The following NME9 variants were observed in gnomAD, a reference collection of about 807,000 sequenced individuals.
NME9 encodes thioredoxin domain-containing protein 6.
NME9 carries 48 observed loss-of-function variants against 44.4 expected under a neutral mutation model. The ratio of observed to expected loss-of-function variants is 1.08; its 90% CI spans 0.86 to 1.37. The LOEUF is 1.37. Among genes scored for constraint, NME9 ranks in the 40% most tolerant of loss-of-function variants. NME9 has a pLI of 0.00. For synonymous variants in NME9, 139 were observed against 147.1 expected (o/e 0.94, Z 0.40); for missense variants, 325 against 405.2 (o/e 0.80, Z 1.70).
intron 8 of NME9, among the ~76,000 whole-genome samples, chr3:138,292,830 C>T (rs1577068865): frequency 6.6e-6 from 1 of 152,178 alleles, no homozygotes; most frequent in Non-Finnish European, 1.5e-5. Flanking sequence ...GGACCAAGAT[C>T]TAGAGTCCCT....
Position 138,267,307 on chromosome 3 carries a change from A to G in NME9, c.746-4721T>C, listed in dbSNP as rs1183021649. The stretch of plus-strand genomic sequence containing the variant: ...GCTAGAGCTTACTCAAATACTTTTT[A>G]TAGTAGTTGACATTGAAATCTGTGG... On this transcript the variant is annotated intron_variant, in intron 8 of 8. Transcript: ENST00000317876. 3.9e-5 allele frequency: 38 copies of G among 971,402 alleles called. No individual in the cohort carries two copies. In the East Asian group the frequency reaches 8.7e-4, roughly 22 times the overall value. The allele number at this position is 971,402 out of a possible 1,614,324, so 60.2% of individuals were successfully genotyped here.
At chr3:138,288,797 C>T (rs896718695) in intron 8 of NME9, among the ~76,000 whole-genome samples, 1 of 152,050 alleles carries the variant, frequency 6.6e-6, no homozygotes, top group African/African-American at 2.4e-5. Flanking sequence ...GCCACTACAC[C>T]CGGCAAATTT....
chr3:138,284,394 G>A (rs1485644204), intron 8 of NME9: 2 of 1,537,216 alleles, frequency 1.3e-6, no homozygotes, highest in Non-Finnish European at 9.0e-7. Context: ...TGGGACTTCA[G>A]AGCTTTCCTG....
chr3:138,263,768 A>G (rs1202243932), intron 8 of NME9: 1 of 1,613,906 alleles, frequency 6.2e-7, no homozygotes, highest in Non-Finnish European at 8.5e-7. Flanking sequence ...TGATGGACCG[A>G]ATTGTGACTG....
At chr3:138,278,840 T>C (rs549153968) in intron 8 of NME9, among the ~76,000 whole-genome samples, 3 of 152,232 alleles carry the variant, frequency 2.0e-5, no homozygotes, top group Non-Finnish European at 4.4e-5. Flanking sequence ...AAATTTCGAT[T>C]TCCAGTTGTT....
In NME9 at chr3:138,301,246, C is replaced by T; in HGVS notation, c.*394G>A. The T allele has an allele frequency of 1.8e-6, 1 of 557,054 alleles. No homozygotes were observed. Among genetic ancestry groups the T allele is most frequent in the South Asian group, 7.4e-5 (1 of 13,426 alleles). The allele number at this position is 557,054 out of a possible 1,614,324, so 34.5% of individuals were successfully genotyped here. A position where few individuals can be genotyped will look rare whatever the true frequency, so the allele number is the denominator to read the frequency against. On this transcript the variant is annotated 3_prime_UTR_variant, in exon 11 of 11. Transcript: ENST00000333911. ...TTAAGATGGAGTCTCACTCTGTCAC[C>T]CAGGCTGGAGTGCAGTGGCATGATC...
intron 2 of NME9, among the ~76,000 whole-genome samples, chr3:138,321,851 G>A (rs2053483516): frequency 6.6e-6 from 1 of 151,830 alleles, no homozygotes; most frequent in African/African-American, 2.4e-5. Flanking sequence ...AGCGAGGGGT[G>A]GGGAGAGATT....
At chr3:138,284,029 A>G (rs1302918234) in intron 8 of NME9, among the ~76,000 whole-genome samples, 2 of 152,224 alleles carry the variant, frequency 1.3e-5, no homozygotes, top group Non-Finnish European at 2.9e-5. Context: ...TGCAACACCT[A>G]CAGAGCTTCC....
At chr3:138,261,510 A>G (rs75667398) in exon 9 of NME9, 1 of 152,226 alleles carries the variant, frequency 6.6e-6, no homozygotes, top group Admixed American at 6.5e-5. Context: ...AGGTCAGGAA[A>G]GAACTCTAGG....
chr3:138,263,970 G>T, intron 8 of NME9: 1 of 961,078 alleles, frequency 1.0e-6, no homozygotes, highest in Admixed American at 2.0e-5. Context: ...TTGTCTAACA[G>T]AGAGCCTGGC....
intron 2 of NME9, chr3:138,324,669 G>A (rs1345034675): frequency 3.1e-6 from 2 of 639,538 alleles, no homozygotes; most frequent in Admixed American, 2.2e-5. Context: ...TTCCTGAACT[G>A]AATTTACTGA....
In NME9 at chr3:138,306,105, T is replaced by TAA. The variant is rs1246896852; in HGVS notation, c.544-10_544-9insTT. The TAA allele has an allele frequency of 4.3e-5, 67 of 1,552,422 alleles. No homozygotes were observed. The highest frequency in any genetic ancestry group is 5.4e-5 in the Non-Finnish European group (61 of 1,125,404). Reference sequence around the variant, plus strand: ...AACCCAGCTTCCTGAATCTGTAGAATATATATAAATATTCTAAAAGGGTAA... The same window carrying TAA: ...AACCCAGCTTCCTGAATCTGTAGAATAAATATATAAATATTCTAAAAGGGTAA... On this transcript the variant is annotated splice_polypyrimidine_tract_variant and intron_variant, in intron 7 of 10. Transcript: ENST00000333911.
chr3:138,327,554 G>C (rs1705995292), intron 1 of NME9, among the ~76,000 whole-genome samples: 2 of 152,178 alleles, frequency 1.3e-5, no homozygotes, highest in Non-Finnish European at 2.9e-5. Context: ...AATGAATAGG[G>C]AATGTGTGGC....
At chr3:138,308,712 C>T (rs982903633) in intron 6 of NME9, among the ~76,000 whole-genome samples, 17 of 152,010 alleles carry the variant, frequency 1.1e-4, no homozygotes, top group Admixed American at 8.5e-4. Flanking sequence ...CTGGTAATTG[C>T]GATGAAAGTC....
intron 8 of NME9, chr3:138,270,023 T>C (rs1560021902): frequency 6.3e-7 from 1 of 1,578,886 alleles, no homozygotes; most frequent in Non-Finnish European, 8.7e-7. Flanking sequence ...ATTTTTTTTT[T>C]CCCTGTCCAA....
chr3:138,265,681 T>G (rs1488009057), intron 8 of NME9, among the ~76,000 whole-genome samples: 1 of 152,208 alleles, frequency 6.6e-6, no homozygotes, highest in Non-Finnish European at 1.5e-5. Flanking sequence ...ACATTATGTA[T>G]GGTATGTGTA....
chr3:138,300,427 G>A (rs1366264238), downstream of NME9, among the ~76,000 whole-genome samples: 1 of 152,208 alleles, frequency 6.6e-6, no homozygotes, highest in Non-Finnish European at 1.5e-5. Context: ...AACCAGCAAG[G>A]AGGAAGACGC....
chr3:138,274,143 T>C (rs2049043240), intron 8 of NME9, among the ~76,000 whole-genome samples: 1 of 152,034 alleles, frequency 6.6e-6, no homozygotes, highest in South Asian at 2.1e-4. Flanking sequence ...CTTTAATATA[T>C]TTGGGTTTGA....
At chr3:138,322,842 G>A (rs560298967) in intron 2 of NME9, among the ~76,000 whole-genome samples, 2 of 152,274 alleles carry the variant, frequency 1.3e-5, no homozygotes, top group East Asian at 3.9e-4. Flanking sequence ...GCTTAGCAAG[G>A]TGGCTGGCAC....
Sources: gnomAD v4.1 joint callset for allele counts (sites outside exome capture counted in the v4.1 genomes callset) on GRCh38, gnomAD v4.1.1 for gene constraint, MANE v1.5 for transcripts, NCBI Gene and HGNC (gene_info 2026-07-23, HGNC 2026-07-21) for gene names.